Variants in ADAM22 observed in about 807,000 individuals in gnomAD.
The protein encoded by ADAM22 is ADAM metallopeptidase domain 22.
A neutral mutation model predicts 144.6 loss-of-function variants in ADAM22; 65 were observed. The ratio of observed to expected loss-of-function variants is 0.45; its 90% CI spans 0.37 to 0.55. ADAM22 has a LOEUF of 0.55. Ranked by LOEUF, ADAM22 falls within the 20% of genes least tolerant of loss-of-function variation. ADAM22 has a pLI of 0.00. For missense variants in ADAM22, 974 were observed against 1,184.9 expected, an observed-to-expected ratio of 0.82 and a Z score of 2.61; for synonymous variants, 391 against 412.6, an observed-to-expected ratio of 0.95 and a Z score of 0.63.
At position 88,178,954 on chromosome 7, in the gene ADAM22, T is replaced by G; in HGVS notation, c.2320T>G (p.Tyr774Asp). 6.2e-7 allele frequency: 1 copy of G among 1,611,324 alleles called. No homozygotes were observed. Among genetic ancestry groups the G allele is most frequent in the Non-Finnish European group, 8.5e-7 (1 of 1,178,782 alleles). ...REQRQLPQGDYVKKPGDGDSF... is the reference protein window; with the variant it reads ...REQRQLPQGDDVKKPGDGDSF... ...CCTTAGACAGTTACCCCAGGGAGAT[T>G]ATGTAAAAAAGCCTGGAGATGGTGA... The change falls in exon 27 of 32, where the codon TAT becomes GAT. Residue 774 changes from tyrosine (Y) to aspartate (D), a missense_variant. Physicochemically the swap from Tyr to Asp is radical, Grantham distance 160. Around this residue, in one of 2 missense-constraint regions of ADAM22, gnomAD observed 734 missense variants for 950.6 expected, o/e 0.77. Transcript: ENST00000413139.
At position 87,969,549 on chromosome 7, in the gene ADAM22, G is replaced by T. The variant is rs559496567; in HGVS notation, c.247-8787G>T. Among the ~76,000 whole-genome samples the T allele has an allele frequency of 1.5e-4, 23 of 152,182 alleles. No homozygotes were observed. In the South Asian group the frequency reaches 4.4e-3, roughly 29 times the overall value. On this transcript the variant is annotated intron_variant, in intron 2 of 31. Coordinates refer to ENST00000413139, the MANE Select transcript of ADAM22 (RefSeq NM_001324418.2). The stretch of plus-strand genomic sequence containing the variant: ...GTATGATCAGCACTCTAAAAGTGTC[G>T]AATGGACTATCACTTATTTAATTAT...
Position 87,948,567 on chromosome 7 carries a change from C to T in ADAM22, c.246+13381C>T, listed in dbSNP as rs147699610. On this transcript the variant is annotated intron_variant, in intron 2 of 31. Coordinates refer to ENST00000413139, the MANE Select transcript of ADAM22 (RefSeq NM_001324418.2). Reference sequence around the variant, plus strand: ...AGCTTTAAATTATATGCTTAGTTTACCCTCTACATTTGCTGATCATGTCAT... The same window carrying T: ...AGCTTTAAATTATATGCTTAGTTTATCCTCTACATTTGCTGATCATGTCAT... 3.0e-3 allele frequency among the ~76,000 whole-genome samples: 452 copies of T among 152,260 alleles called. 1 individual carries two copies. Among genetic ancestry groups the T allele is most frequent in the African/African-American group, 0.01 (433 of 41,550 alleles).
intron 3 of ADAM22, among the ~76,000 whole-genome samples, chr7:88,065,836 G>A (rs1188758243): frequency 6.6e-6 from 1 of 152,044 alleles, no homozygotes; most frequent in African/African-American, 2.4e-5. Flanking sequence ...AAACAGAATT[G>A]CAGGTTCAAA....
At chr7:88,030,271 G>A (rs867325021) in intron 3 of ADAM22, among the ~76,000 whole-genome samples, 2 of 151,930 alleles carry the variant, frequency 1.3e-5, no homozygotes, top group South Asian at 4.2e-4. Flanking sequence ...AGACTCTGAT[G>A]TATTCTTCAG....
intron 25 of ADAM22, among the ~76,000 whole-genome samples, chr7:88,170,297 T>C (rs548746922): frequency 1.3e-5 from 2 of 152,144 alleles, no homozygotes; most frequent in South Asian, 2.1e-4. Context: ...AATGTAGATA[T>C]TTTAATAGAG....
intron 3 of ADAM22, among the ~76,000 whole-genome samples, chr7:88,014,307 T>G (rs1364578085): frequency 6.6e-6 from 1 of 152,222 alleles, no homozygotes; most frequent in South Asian, 2.1e-4. Context: ...GACAATATAA[T>G]GGGCCCGATG....
At chr7:88,030,917 C>A (rs1721802749) in intron 3 of ADAM22, among the ~76,000 whole-genome samples, 1 of 152,118 alleles carries the variant, frequency 6.6e-6, no homozygotes, top group Non-Finnish European at 1.5e-5. Context: ...GAGATTGAGA[C>A]CATCCTGGCT....
At position 87,990,944 on chromosome 7, in the gene ADAM22, G is replaced by A. The variant is rs1302708441; in HGVS notation, c.323+12532G>A. Among the ~76,000 whole-genome samples the A allele has an allele frequency of 3.3e-5, 5 of 152,158 alleles. No homozygotes were observed. The South Asian group carries it at 6.2e-4, about 19-fold the overall frequency. On this transcript the variant is annotated intron_variant, in intron 3 of 31. Transcript: ENST00000413139. ...CTCCCAAAGTGCTGGGATTGCAGACGTGAGCCACCACACCCAGCCTTTCTC... is the reference window on the plus strand; with the variant it reads ...CTCCCAAAGTGCTGGGATTGCAGACATGAGCCACCACACCCAGCCTTTCTC...
chr7:88,030,131 C>G (rs1245419826), intron 3 of ADAM22, among the ~76,000 whole-genome samples: 1 of 152,082 alleles, frequency 6.6e-6, no homozygotes, highest in African/African-American at 2.4e-5. Context: ...AGGTTGTTTT[C>G]TAGATCTTCT....
intron 3 of ADAM22, among the ~76,000 whole-genome samples, chr7:88,064,927 A>T (rs1197955044): frequency 1.3e-5 from 2 of 152,136 alleles, no homozygotes; most frequent in East Asian, 3.8e-4. Flanking sequence ...AGTACTAGTA[A>T]TCATAGTAAT....
intron 22 of ADAM22, among the ~76,000 whole-genome samples, chr7:88,156,911 T>C: frequency 7.3e-6 from 1 of 137,784 alleles, no homozygotes; most frequent in Admixed American, 7.2e-5. Flanking sequence ...GTCTGTAACA[T>C]GAAAAAAAAA....
intron 3 of ADAM22, among the ~76,000 whole-genome samples, chr7:88,014,295 G>T (rs762697905): frequency 6.6e-6 from 1 of 152,174 alleles, no homozygotes; most frequent in East Asian, 1.9e-4. Flanking sequence ...CTGCATAGGC[G>T]TGACAATATA....
chr7:88,053,590 AG>A (rs1807182776), intron 3 of ADAM22, among the ~76,000 whole-genome samples: 2 of 112,552 alleles, frequency 1.8e-5, no homozygotes, highest in African/African-American at 6.6e-5. Flanking sequence ...GAAGGAAGGA[AG>A]GAAAGAAAGA....
intron 26 of ADAM22, among the ~76,000 whole-genome samples, chr7:88,172,561 A>G (rs1844608585): frequency 6.6e-6 from 1 of 151,940 alleles, no homozygotes; most frequent in Admixed American, 6.6e-5. Flanking sequence ...TTTTTTTCAC[A>G]AATCAAAAAT....
intron 3 of ADAM22, among the ~76,000 whole-genome samples, chr7:87,991,738 G>A (rs1337231948): frequency 6.6e-6 from 1 of 152,124 alleles, no homozygotes; most frequent in Non-Finnish European, 1.5e-5. Flanking sequence ...TTTGACTTTT[G>A]GGAGGATTGC....
chr7:88,008,238 A>T (rs1163708355), intron 3 of ADAM22, among the ~76,000 whole-genome samples: 3 of 151,380 alleles, frequency 2.0e-5, no homozygotes, highest in Non-Finnish European at 4.4e-5. Flanking sequence ...ATCATTAAAA[A>T]GTCAGGAAAC....
At chr7:88,049,332 A>T (rs942633219) in intron 3 of ADAM22, among the ~76,000 whole-genome samples, 1 of 152,126 alleles carries the variant, frequency 6.6e-6, no homozygotes, top group African/African-American at 2.4e-5. Flanking sequence ...TCTCATTTGG[A>T]ATAGAACTTT....
intron 14 of ADAM22, among the ~76,000 whole-genome samples, chr7:88,138,317 A>G (rs1452135150): frequency 2.0e-5 from 3 of 152,210 alleles, no homozygotes; most frequent in Admixed American, 6.5e-5. Context: ...GATTATCCTG[A>G]TTATTAAAAT....
chr7:87,937,118 G>A (rs1447908238), intron 2 of ADAM22, among the ~76,000 whole-genome samples: 1 of 151,964 alleles, frequency 6.6e-6, no homozygotes, highest in South Asian at 2.1e-4. Flanking sequence ...ACCTTATCTG[G>A]CTAATTAAAA....
Sources: allele counts gnomAD v4.1 joint callset (sites outside exome capture counted in the v4.1 genomes callset), GRCh38; gene constraint gnomAD v4.1.1; regional missense constraint gnomAD v4.1.1; transcripts MANE v1.5; gene names NCBI Gene and HGNC (gene_info 2026-07-23, HGNC 2026-07-21).